Variants in SLC38A6 observed in about 807,000 individuals in gnomAD.
SLC38A6 encodes N system amino acid transporter NAT-1.
SLC38A6 carries 73 observed loss-of-function variants against 65.0 expected under a neutral mutation model. The ratio of observed to expected loss-of-function variants is 1.12; its 90% CI spans 0.93 to 1.37. The LOEUF (loss-of-function observed/expected upper bound fraction) is 1.37. Ranked by LOEUF, SLC38A6 falls within the 40% of genes most tolerant of loss-of-function variation. The probability of loss-of-function intolerance (pLI) is 0.00; values close to 1 mark genes in which losing one functional copy is unlikely to be tolerated. For synonymous variants in SLC38A6, 183 were observed against 178.8 expected, an observed-to-expected ratio of 1.02 and a Z score of -0.19; for missense variants, 561 against 531.1, an observed-to-expected ratio of 1.06 and a Z score of -0.55.
chr14:61,007,684 A>T (rs2039248670), intron 3 of SLC38A6, among the ~76,000 whole-genome samples: 1 of 46,200 alleles, frequency 2.2e-5, no homozygotes, highest in South Asian at 5.0e-4. Flanking sequence ...TATGAAACGG[A>T]TGCTGAAAAT....
intron 3 of SLC38A6, among the ~76,000 whole-genome samples, chr14:60,991,390 CATA>C (rs1457164599): frequency 1.3e-5 from 2 of 152,140 alleles, no homozygotes; most frequent in African/African-American, 2.4e-5. Context: ...ATTTAATCTT[CATA>C]ATAATATTAT....
intron 3 of SLC38A6, among the ~76,000 whole-genome samples, chr14:60,986,731 C>CT (rs2037475680): frequency 6.6e-6 from 1 of 152,160 alleles, no homozygotes; most frequent in Admixed American, 6.5e-5. Context: ...AATTGTGATA[C>CT]TTTAACATCT....
At chr14:61,083,557 A>G (rs2043739970) in exon 17 of SLC38A6, 1 of 1,549,780 alleles carries the variant, frequency 6.5e-7, no homozygotes, top group South Asian at 1.2e-5. Context: ...AAGAAAAGGA[A>G]GAGATACCAT....
At position 61,052,365 on chromosome 14, in the gene SLC38A6, T is replaced by C. The variant is rs1304064600; in HGVS notation, c.1307T>C (p.Ile436Thr). Residue 436 changes from isoleucine (I) to threonine (T), a missense_variant, in exon 16 of 16, where the codon ATC becomes ACC. Ile to Thr is a moderately conservative substitution (Grantham distance 89). Transcript: ENST00000267488. ...TTTCCACAGGCATTCGTTTTGCTCA[T>C]CTTTGGAATTTTGGTTGGGAATTTT... ...WKKLGAFVLL[I>T]FGILVGNFSL... is the part of the protein sequence containing the mutation. The C allele has an allele frequency of 1.3e-6, 2 of 1,595,968 alleles. No homozygotes were observed. The highest frequency in any genetic ancestry group is 4.5e-5 in the East Asian group (2 of 44,056).
At chr14:61,030,208 A>G (rs1401776922) in intron 5 of SLC38A6, among the ~76,000 whole-genome samples, 1 of 151,924 alleles carries the variant, frequency 6.6e-6, no homozygotes, top group Non-Finnish European at 1.5e-5. Flanking sequence ...TTGAAATGTA[A>G]ACAAAAGATA....
rs1322889412 is a variant in SLC38A6, at chr14:61,011,811, G to C, written c.311-4093G>C. 4.6e-5 allele frequency among the ~76,000 whole-genome samples: 7 copies of C among 152,180 alleles called. No homozygotes were observed. In the East Asian group the frequency reaches 1.4e-3, roughly 29 times the overall value. ...GTATTTTATTGAGGATTTTTGCATC[G>C]ATGTTCATCAGGGATATTGGTCTAA... is the stretch of plus-strand genomic sequence containing the variant. On this transcript the variant is annotated intron_variant, in intron 3 of 15. Transcript: ENST00000267488.
intron 5 of SLC38A6, among the ~76,000 whole-genome samples, chr14:61,024,263 T>C (rs572672838): frequency 6.6e-6 from 1 of 152,352 alleles, no homozygotes; most frequent in South Asian, 2.1e-4. Context: ...TTTAACACTC[T>C]TATTCTAAGG....
chr14:61,061,147 C>A (rs969024268), intron 15 of SLC38A6, among the ~76,000 whole-genome samples: 1 of 152,136 alleles, frequency 6.6e-6, no homozygotes, highest in African/African-American at 2.4e-5. Flanking sequence ...GGCTCCTCCC[C>A]CAAGTGTTGA....
At chr14:61,031,739 A>G (rs2041007680) in intron 6 of SLC38A6, among the ~76,000 whole-genome samples, 1 of 148,872 alleles carries the variant, frequency 6.7e-6, no homozygotes, top group Admixed American at 6.6e-5. Flanking sequence ...CTGCTGTAAA[A>G]AACATTGAGG....
At chr14:61,070,959 T>C (rs925607054) in intron 15 of SLC38A6, among the ~76,000 whole-genome samples, 3 of 152,214 alleles carry the variant, frequency 2.0e-5, no homozygotes, top group Non-Finnish European at 2.9e-5. Context: ...TTATCAGATA[T>C]GCGGTTTGCA....
intron 5 of SLC38A6, among the ~76,000 whole-genome samples, chr14:61,027,415 G>A (rs2040668805): frequency 6.6e-6 from 1 of 152,036 alleles, no homozygotes; most frequent in Admixed American, 6.6e-5. Flanking sequence ...TCTATACTAG[G>A]TGTCCATGTC....
chr14:61,073,942 G>C (rs1033343141), intron 15 of SLC38A6: 5 of 151,786 alleles, frequency 3.3e-5, no homozygotes, highest in African/African-American at 1.2e-4. Context: ...TCACTTAATA[G>C]TAAATATGTT....
Position 61,050,539 on chromosome 14 carries a change from G to A in SLC38A6, c.953G>A (p.Gly318Asp), listed in dbSNP as rs1184233923. ...AAAGTGGAGTCAGAATTACTAAAAG[G>A]TTATAGTAAATACTTATCACATGAT... The part of the protein sequence containing the change: ...YDKVESELLK[G>D]YSKYLSHDVV... The change falls in exon 13 of 16, where the codon GGT becomes GAT. Residue 318 changes from glycine (G) to aspartate (D), a missense_variant. Physicochemically the swap from Gly to Asp is moderately conservative, Grantham distance 94. Coordinates refer to ENST00000267488, the MANE Select transcript of SLC38A6 (RefSeq NM_153811.3). 3 of 1,562,048 alleles carry A rather than the reference G, an allele frequency of 1.9e-6. No individual in the cohort carries two copies. The highest frequency in any genetic ancestry group is 2.6e-6 in the Non-Finnish European group (3 of 1,140,448).
At chr14:61,037,799 G>T in intron 8 of SLC38A6, 116 bp downstream of exon 8, 1 of 650,340 alleles carries the variant, frequency 1.5e-6, no homozygotes, top group Non-Finnish European at 2.5e-6. Flanking sequence ...TTATTTCACT[G>T]TGTTATTAAA....
intron 3 of SLC38A6, among the ~76,000 whole-genome samples, chr14:61,009,205 A>G (rs559521744): frequency 3.5e-4 from 54 of 152,334 alleles, no homozygotes; most frequent in Non-Finnish European, 5.6e-4. Flanking sequence ...AAAATCTTTC[A>G]GAATGCCTAA....
At chr14:61,021,324 G>T (rs979221322) in intron 5 of SLC38A6, among the ~76,000 whole-genome samples, 1 of 152,170 alleles carries the variant, frequency 6.6e-6, no homozygotes, top group Non-Finnish European at 1.5e-5. Flanking sequence ...TCAGGTATTT[G>T]AAAGACTGAA....
intron 3 of SLC38A6, among the ~76,000 whole-genome samples, chr14:61,002,991 T>C (rs1023970836): frequency 5.9e-5 from 9 of 152,076 alleles, no homozygotes; most frequent in Non-Finnish European, 1.3e-4. Context: ...TCTCAAAACA[T>C]CTTTCATAAA....
chr14:61,052,965 A>G (rs1337881535), downstream of SLC38A6: 1 of 152,598 alleles, frequency 6.6e-6, no homozygotes, highest in Non-Finnish European at 1.5e-5. Context: ...AATTTGTTAT[A>G]CAGATTATTT....
intron 3 of SLC38A6, among the ~76,000 whole-genome samples, chr14:60,986,303 C>G (rs2037446212): frequency 6.6e-6 from 1 of 152,210 alleles, no homozygotes. Flanking sequence ...TTTCAAAAAT[C>G]TGAGGTGAGA....
Sources: allele counts gnomAD v4.1 joint callset (sites outside exome capture counted in the v4.1 genomes callset), GRCh38; gene constraint gnomAD v4.1.1; transcripts MANE v1.5; gene names NCBI Gene and HGNC (gene_info 2026-07-23, HGNC 2026-07-21).